The following CCDC63 variants were observed in gnomAD, a reference collection of about 807,000 sequenced individuals.
CCDC63 encodes coiled-coil domain containing 63.
Under a neutral mutation model 63.6 loss-of-function variants are expected in CCDC63, and 54 were observed. The observed-to-expected ratio is 0.85, with a 90% CI of 0.68 to 1.07. CCDC63 has a LOEUF of 1.07. Among genes scored for constraint, CCDC63 ranks in the 50% least tolerant of loss-of-function variants. CCDC63 has a pLI of 0.00. For synonymous variants in CCDC63, 253 were observed against 266.1 expected (o/e 0.95, Z 0.48); for missense variants, 637 against 689.6 (o/e 0.92, Z 0.86).
intron 4 of CCDC63, among the ~76,000 whole-genome samples, chr12:110,873,507 T>G (rs529860554): frequency 1.1e-4 from 16 of 152,286 alleles, no homozygotes; most frequent in Admixed American, 2.0e-4. Flanking sequence ...AAACCATGGC[T>G]TTGGGTAGGC....
intron 5 of CCDC63, 84 bp downstream of exon 5, chr12:110,874,045 C>T: frequency 2.0e-6 from 3 of 1,494,478 alleles, no homozygotes. Flanking sequence ...CAGCCATTAG[C>T]AGAACATACC....
chr12:110,851,637 C>T (rs1211697678), intron 1 of CCDC63, among the ~76,000 whole-genome samples: 1 of 152,098 alleles, frequency 6.6e-6, no homozygotes, highest in Non-Finnish European at 1.5e-5. Context: ...GAAGGTGTGG[C>T]TTCCCATGGG....
Position 110,881,216 on chromosome 12 carries a change from A to G in CCDC63, c.773A>G (p.His258Arg), listed in dbSNP as rs779396831. ...EIRELERLYA[H>R]ESKLKSFLLV... ...CGAGAGCTGGAGCGTCTCTATGCCCATGAGAGCAAGCTCAAGTCCTTCCTG... is the reference window on the plus strand; with the variant it reads ...CGAGAGCTGGAGCGTCTCTATGCCCGTGAGAGCAAGCTCAAGTCCTTCCTG... The change falls in exon 7 of 12, where the codon CAT becomes CGT. Residue 258 changes from histidine (H) to arginine (R), a missense_variant. By Grantham distance (29) the His-to-Arg change is conservative. Coordinates refer to ENST00000308208, the MANE Select transcript of CCDC63 (RefSeq NM_152591.3). 2.0e-5 allele frequency: 32 copies of G among 1,613,790 alleles called. No individual in the cohort carries two copies. The Admixed American group carries it at 4.5e-4, about 23-fold the overall frequency.
Position 110,853,720 on chromosome 12 carries a change from G to A in CCDC63, c.179+146G>A, listed in dbSNP as rs1000159845. ...GAGGATCCACGGTCTTTTATCTGCA[G>A]AGCCTAGTTTCAAGAGAAACTCACT... On this transcript the variant is annotated intron_variant, in intron 3 of 11. Transcript: ENST00000308208. 2.9e-5 allele frequency: 24 copies of A among 819,706 alleles called. No homozygotes were observed. In the Admixed American group the frequency reaches 6.8e-4, roughly 23 times the overall value. 50.8% of individuals were successfully genotyped at this position (819,706 alleles called of 1,614,324 possible).
At chr12:110,868,716 A>G (rs1403650764) in intron 4 of CCDC63, among the ~76,000 whole-genome samples, 4 of 76,588 alleles carry the variant, frequency 5.2e-5, no homozygotes, top group Admixed American at 1.7e-4. Flanking sequence ...CCGTGGGGAG[A>G]GGGAGAGGGA....
chr12:110,844,715 G>A (rs531133405), upstream of CCDC63, among the ~76,000 whole-genome samples: 6 of 152,312 alleles, frequency 3.9e-5, no homozygotes, highest in East Asian at 3.9e-4. Context: ...CCTTGGAGGT[G>A]TGTGTAAAAC....
chr12:110,902,705 G>A (rs972108718), intron 10 of CCDC63, among the ~76,000 whole-genome samples: 1 of 151,944 alleles, frequency 6.6e-6, no homozygotes, highest in African/African-American at 2.4e-5. Context: ...AATTTTGGTT[G>A]CCAATATTAT....
intron 5 of CCDC63, among the ~76,000 whole-genome samples, chr12:110,878,209 C>CATAT (rs558360251): frequency 3.0e-4 from 46 of 152,090 alleles, no homozygotes; most frequent in African/African-American, 1.1e-3. Flanking sequence ...CATATACATA[C>CATAT]ATATATATAC....
intron 10 of CCDC63, 47 bp from the exon 11 acceptor site, chr12:110,904,541 G>A: frequency 6.3e-7 from 1 of 1,575,584 alleles, no homozygotes. Context: ...GTGCCCCCAG[G>A]CCCAGGTCTC....
chr12:110,856,713 A>G (rs2070776016), intron 3 of CCDC63, among the ~76,000 whole-genome samples: 1 of 152,204 alleles, frequency 6.6e-6, no homozygotes, highest in Non-Finnish European at 1.5e-5. Context: ...AATGGGATCT[A>G]CAAACTACAG....
chr12:110,856,394 T>C (rs2070771361), intron 3 of CCDC63, among the ~76,000 whole-genome samples: 1 of 151,840 alleles, frequency 6.6e-6, no homozygotes, highest in Non-Finnish European at 1.5e-5. Context: ...AAAACCTAAC[T>C]CTTGTAGAGT....
At chr12:110,863,042 C>T (rs2070881064) in intron 4 of CCDC63, among the ~76,000 whole-genome samples, 1 of 151,566 alleles carries the variant, frequency 6.6e-6, no homozygotes, top group African/African-American at 2.4e-5. Flanking sequence ...AGGCATGAAC[C>T]ACGGCGTCCA....
At chr12:110,865,684 T>A (rs987928310) in intron 4 of CCDC63, among the ~76,000 whole-genome samples, 2 of 152,204 alleles carry the variant, frequency 1.3e-5, no homozygotes. Context: ...GATTTCTGAC[T>A]TTGTTCAAGC....
At chr12:110,857,665 A>G (rs987717719) in intron 3 of CCDC63, among the ~76,000 whole-genome samples, 1 of 152,070 alleles carries the variant, frequency 6.6e-6, no homozygotes, top group African/African-American at 2.4e-5. Flanking sequence ...CCCTTGTTCC[A>G]TTGTGCAGTC....
In CCDC63 at chr12:110,899,110, C is replaced by T. The variant is rs762143296; in HGVS notation, c.1327C>T (p.Leu443Phe). The T allele has an allele frequency of 1.2e-6, 2 of 1,611,674 alleles. No individual in the cohort carries two copies. Among genetic ancestry groups the T allele is most frequent in the Non-Finnish European group, 1.7e-6 (2 of 1,179,022 alleles). The change falls in exon 10 of 12, where the codon CTT becomes TTT. Residue 443 changes from leucine (L) to phenylalanine (F), a missense_variant. Physicochemically the swap from Leu to Phe is conservative, Grantham distance 22. Coordinates refer to ENST00000308208, the MANE Select transcript of CCDC63 (RefSeq NM_152591.3). ...GACGGGGAAAGTCACTGACATCAACCTTCCGCAGTATTTTGGTGAGTCAAG... is the reference window on the plus strand; with the variant it reads ...GACGGGGAAAGTCACTGACATCAACTTTCCGCAGTATTTTGGTGAGTCAAG... ...GETGKVTDIN[L>F]PQYFAIIEKK...
intron 8 of CCDC63, among the ~76,000 whole-genome samples, chr12:110,885,393 A>T (rs1465281383): frequency 1.3e-5 from 2 of 152,122 alleles, no homozygotes; most frequent in Non-Finnish European, 2.9e-5. Flanking sequence ...CCCAAATGTC[A>T]TTGGCTTCCT....
At chr12:110,852,505 A>G (rs1311874926) in intron 1 of CCDC63, among the ~76,000 whole-genome samples, 1 of 151,912 alleles carries the variant, frequency 6.6e-6, no homozygotes, top group East Asian at 1.9e-4. Context: ...CAAGTGATCT[A>G]CCGACCTTGG....
At position 110,869,152 on chromosome 12, in the gene CCDC63, C is replaced by T. The variant is rs532924013; in HGVS notation, c.370-4690C>T. Among the ~76,000 whole-genome samples the T allele has an allele frequency of 2.6e-4, 39 of 152,280 alleles. No individual in the cohort carries two copies. In the South Asian group the frequency reaches 7.5e-3, roughly 29 times the overall value. ...AGAATTCACCAGCCCAGGCTCTGCA[C>T]GGGGCCCCTGATTCCCAGCTGGAGG... On this transcript the variant is annotated intron_variant, in intron 4 of 11. Transcript: ENST00000308208.
chr12:110,889,181 T>C lies in CCDC63; in HGVS notation c.1075-3895T>C, dbSNP rs1330176874. On this transcript the variant is annotated intron_variant, in intron 8 of 11. Transcript: ENST00000308208. The surrounding 1 kb of genome is among the most constrained non-coding windows in gnomAD (Gnocchi z 4.1). ...AAATGTCCTTTTGGTTACTCGTTCA[T>C]CCAGCAAGTATTTATTGAGCACCTA... is the stretch of plus-strand genomic sequence containing the variant. 1.3e-5 allele frequency among the ~76,000 whole-genome samples: 2 copies of C among 152,190 alleles called. No homozygotes were observed. Among genetic ancestry groups the C allele is most frequent in the African/African-American group, 4.8e-5 (2 of 41,432 alleles).
Sources: allele counts gnomAD v4.1 joint callset (sites outside exome capture counted in the v4.1 genomes callset), GRCh38; gene constraint gnomAD v4.1.1; non-coding constraint Gnocchi (gnomAD v3.1); transcripts MANE v1.5; gene names NCBI Gene and HGNC (gene_info 2026-07-23, HGNC 2026-07-21).